PGBD5: variants seen among roughly 807,000 people sequenced by gnomAD.
PGBD5 encodes the protein piggyBac transposable element-derived protein 5.
PGBD5 carries 14 observed loss-of-function variants against 47.9 expected under a neutral mutation model. The observed-to-expected ratio is 0.29, with a 90% CI of 0.19 to 0.46. The LOEUF (loss-of-function observed/expected upper bound fraction) is 0.46. Ranked by LOEUF, PGBD5 falls within the 20% of genes least tolerant of loss-of-function variation. The pLI, the probability that PGBD5 is intolerant of heterozygous loss-of-function variation, is 1.00. For synonymous variants in PGBD5, 316 were observed against 306.3 expected, an observed-to-expected ratio of 1.03 and a Z score of -0.33; for missense variants, 635 against 716.0, an observed-to-expected ratio of 0.89 and a Z score of 1.29.
At chr1:230,362,224 A>C in intron 1 of PGBD5, 4 of 1,344,922 alleles carry the variant, frequency 3.0e-6, no homozygotes, top group Non-Finnish European at 4.0e-6. Context: ...TGTTCCCCAA[A>C]TCAGGTGAGA....
At chr1:230,420,815 CTTAT>C (rs1657629509) in intron 1 of PGBD5, among the ~76,000 whole-genome samples, 1 of 152,118 alleles carries the variant, frequency 6.6e-6, no homozygotes, top group Non-Finnish European at 1.5e-5. Context: ...TATCCTTTTT[CTTAT>C]TTATTTTCTA....
intron 1 of PGBD5, among the ~76,000 whole-genome samples, chr1:230,422,549 G>C (rs1210083825): frequency 6.6e-6 from 1 of 152,146 alleles, no homozygotes; most frequent in African/African-American, 2.4e-5. Context: ...GGGGTTAAGA[G>C]CCCAACAGCT....
intron 1 of PGBD5, among the ~76,000 whole-genome samples, chr1:230,400,337 TC>T (rs1657106442): frequency 1.4e-5 from 2 of 146,780 alleles, no homozygotes; most frequent in East Asian, 2.0e-4. Flanking sequence ...CTTCCACCCC[TC>T]CCCCACACTC....
chr1:230,393,388 C>G (rs80141750), intron 1 of PGBD5, among the ~76,000 whole-genome samples: 5,467 of 151,944 alleles, frequency 0.036, 334 homozygotes, highest in African/African-American at 0.12. Flanking sequence ...AGGAGGAGAG[C>G]AGGCGGACTC....
intron 5 of PGBD5, among the ~76,000 whole-genome samples, chr1:230,327,385 C>T (rs12727369): frequency 2.0e-5 from 3 of 152,040 alleles, no homozygotes; most frequent in African/African-American, 7.2e-5. Context: ...GCTGAGGAGA[C>T]CAGGGTCGCG....
rs776056467 is a variant in PGBD5, at chr1:230,318,156, G to A, written c.*5269C>T. On this transcript the variant is annotated 3_prime_UTR_variant, in exon 7 of 7. Transcript: ENST00000391860. Reference sequence around the variant, plus strand: ...GACACAGAGATGGCTAAATGGCAGCGAGCTGCGTGGCCAGAGGGCATGCTT... The same window carrying A: ...GACACAGAGATGGCTAAATGGCAGCAAGCTGCGTGGCCAGAGGGCATGCTT... The A allele has an allele frequency of 2.0e-5, 3 of 152,378 alleles. No individual in the cohort carries two copies. The highest frequency in any genetic ancestry group is 6.5e-5 in the Admixed American group (1 of 15,298). 9.4% of individuals were successfully genotyped at this position (152,378 alleles called of 1,614,324 possible).
intron 1 of PGBD5, among the ~76,000 whole-genome samples, chr1:230,423,505 C>A (rs943707089): frequency 1.8e-4 from 28 of 152,306 alleles, no homozygotes; most frequent in African/African-American, 6.7e-4. Flanking sequence ...TAAACACATC[C>A]ATCTCCCTCC....
intron 2 of PGBD5, among the ~76,000 whole-genome samples, chr1:230,351,940 T>C (rs1185076607): frequency 1.3e-5 from 2 of 152,202 alleles, no homozygotes; most frequent in Non-Finnish European, 1.5e-5. Context: ...TTCTTCAAGG[T>C]AAAGCTCTTT....
At chr1:230,409,363 T>C (rs1657367362) in intron 1 of PGBD5, among the ~76,000 whole-genome samples, 3 of 152,194 alleles carry the variant, frequency 2.0e-5, no homozygotes. Flanking sequence ...CCTGGGTATA[T>C]ACCCAAGAAA....
chr1:230,375,253 C>T (rs1412445894), intron 1 of PGBD5, among the ~76,000 whole-genome samples: 1 of 152,218 alleles, frequency 6.6e-6, no homozygotes, highest in African/African-American at 2.4e-5. Context: ...ACTTGTTTGT[C>T]CTTTCCATTG....
chr1:230,411,012 A>C (rs1420840997), intron 1 of PGBD5, among the ~76,000 whole-genome samples: 1 of 152,010 alleles, frequency 6.6e-6, no homozygotes, highest in Non-Finnish European at 1.5e-5. Flanking sequence ...AGTGGCTCAC[A>C]CTATCTGTAA....
chr1:230,342,642 G>A (rs1214703185), intron 3 of PGBD5, among the ~76,000 whole-genome samples: 3 of 152,176 alleles, frequency 2.0e-5, no homozygotes, highest in Non-Finnish European at 2.9e-5. Flanking sequence ...ACATGGGCAC[G>A]GGCTCTGTCA....
chr1:230,343,538 G>A (rs544802143), intron 3 of PGBD5, among the ~76,000 whole-genome samples: 1 of 152,346 alleles, frequency 6.6e-6, no homozygotes, highest in Non-Finnish European at 1.5e-5. Context: ...GAGGTCCACG[G>A]TTATGTCTTC....
At chr1:230,383,323 C>T (rs1270201682) in intron 1 of PGBD5, among the ~76,000 whole-genome samples, 2 of 151,988 alleles carry the variant, frequency 1.3e-5, no homozygotes, top group East Asian at 3.9e-4. Context: ...ATCCACCCAC[C>T]TCAGCTTCCC....
intron 1 of PGBD5, among the ~76,000 whole-genome samples, chr1:230,362,691 T>A (rs1008668799): frequency 1.3e-5 from 2 of 152,006 alleles, no homozygotes; most frequent in African/African-American, 4.8e-5. Context: ...GAGGTCAGGG[T>A]TGGTGTGTTC....
At chr1:230,365,599 A>C (rs1242248170) in intron 1 of PGBD5, among the ~76,000 whole-genome samples, 1 of 152,220 alleles carries the variant, frequency 6.6e-6, no homozygotes, top group Non-Finnish European at 1.5e-5. Flanking sequence ...AACATCTCTC[A>C]GGAGTGCTCT....
At chr1:230,343,447 G>A (rs941328165) in intron 3 of PGBD5, among the ~76,000 whole-genome samples, 6 of 152,162 alleles carry the variant, frequency 3.9e-5, no homozygotes, top group South Asian at 4.1e-4. Context: ...AGTCCTATAC[G>A]GTAAAGAGGT....
At chr1:230,325,772 C>T (rs1357004709) in intron 5 of PGBD5, among the ~76,000 whole-genome samples, 1 of 152,054 alleles carries the variant, frequency 6.6e-6, no homozygotes, top group Admixed American at 6.5e-5. Flanking sequence ...AGACAGGGCT[C>T]ACTCCTCCCT....
In PGBD5 at chr1:230,426,013, G is replaced by T. The variant is rs1294169431; in HGVS notation, c.-85C>A. On this transcript the variant is annotated 5_prime_UTR_variant, in exon 1 of 7. Coordinates refer to ENST00000391860, the MANE Select transcript of PGBD5 (RefSeq NM_001258311.2). ...CCCTGGGCCCGCGCCGCGGCCCGCC[G>T]CCCCCCACCAGCGCAGCCCGCAGCA... 6 of 648,640 alleles carry T rather than the reference G, an allele frequency of 9.3e-6. No homozygotes were observed. In the African/African-American group the frequency reaches 1.0e-4, roughly 11 times the overall value. 40.2% of individuals were successfully genotyped at this position (648,640 alleles called of 1,614,324 possible). A position where few individuals can be genotyped will look rare whatever the true frequency, so the allele number is the denominator to read the frequency against.
Sources: gnomAD v4.1 joint callset for allele counts (sites outside exome capture counted in the v4.1 genomes callset) on GRCh38, gnomAD v4.1.1 for gene constraint, MANE v1.5 for transcripts, NCBI Gene and HGNC (gene_info 2026-07-23, HGNC 2026-07-21) for gene names.